Variants in ZGRF1 observed in about 807,000 individuals in gnomAD.
ZGRF1 encodes the protein zinc finger GRF-type containing 1.
A neutral mutation model predicts 203.5 loss-of-function variants in ZGRF1; 196 were observed. The observed-to-expected ratio is 0.96, with a 90% CI of 0.86 to 1.08. ZGRF1 has a LOEUF of 1.08. Among genes scored for constraint, ZGRF1 ranks in the 50% least tolerant of loss-of-function variants. The probability of loss-of-function intolerance (pLI) is 0.00; values close to 1 mark genes in which losing one functional copy is unlikely to be tolerated. For synonymous variants in ZGRF1, 809 were observed against 841.3 expected, an observed-to-expected ratio of 0.96 and a Z score of 0.66; for missense variants, 2,326 against 2,416.3, an observed-to-expected ratio of 0.96 and a Z score of 0.78.
intron 7 of ZGRF1, among the ~76,000 whole-genome samples, chr4:112,610,044 C>A (rs2149121791): frequency 6.6e-6 from 1 of 151,962 alleles, no homozygotes; most frequent in Non-Finnish European, 1.5e-5. Context: ...GAGGCTGAGG[C>A]AGGAGAATCA....
chr4:112,588,143 T>G (rs762787199), intron 11 of ZGRF1, among the ~76,000 whole-genome samples: 22 of 152,086 alleles, frequency 1.4e-4, no homozygotes, highest in Non-Finnish European at 2.5e-4. Context: ...ATTCTTAGGG[T>G]TGATGAAGTC....
intron 24 of ZGRF1, 49 bp downstream of exon 24, chr4:112,547,236 A>C (rs1290772542): frequency 1.3e-6 from 2 of 1,553,282 alleles, no homozygotes; most frequent in East Asian, 2.3e-5. Flanking sequence ...ACACACACAC[A>C]ATGTAGAATC....
At chr4:112,557,654 T>C (rs552601732) in intron 20 of ZGRF1, among the ~76,000 whole-genome samples, 1 of 152,308 alleles carries the variant, frequency 6.6e-6, no homozygotes, top group South Asian at 2.1e-4. Flanking sequence ...TGCCGTGGGT[T>C]GAGGAGTAGG....
chr4:112,539,603 C>G lies in ZGRF1; in HGVS notation c.6259G>C (p.Glu2087Gln). 6.4e-7 allele frequency: 1 copy of G among 1,571,782 alleles called. No individual in the cohort carries two copies. The highest frequency in any genetic ancestry group is 1.2e-5 in the South Asian group (1 of 85,826). The change falls in exon 28 of 28, where the codon GAA (glutamate) becomes CAA (glutamine). Residue 2087 changes from glutamate (E) to glutamine (Q), a missense_variant. Glu to Gln is a conservative substitution (Grantham distance 29). Transcript: ENST00000505019. ...LKDYFEKQVE[E>Q]KQKKKSEKEK... is the part of the protein sequence containing the mutation. ...TTTTCACTCTTTTTCTTCTGTTTTT[C>G]TTCCACTTGTTTTTCAAAATAATCT...
intron 17 of ZGRF1, among the ~76,000 whole-genome samples, 152 bp downstream of exon 17, chr4:112,562,979 A>G (rs1191129008): frequency 2.0e-5 from 3 of 152,218 alleles, no homozygotes; most frequent in Non-Finnish European, 4.4e-5. Flanking sequence ...AGAAATATCT[A>G]TATATTCAAC....
chr4:112,615,125 T>C (rs749550249), intron 6 of ZGRF1, among the ~76,000 whole-genome samples: 32 of 152,172 alleles, frequency 2.1e-4, no homozygotes, highest in Non-Finnish European at 3.4e-4. Flanking sequence ...GGTTTACTAT[T>C]ACTAGTTATG....
intron 16 of ZGRF1, 91 bp from the exon 17 acceptor site, chr4:112,563,365 C>A: frequency 1.1e-6 from 1 of 928,582 alleles, no homozygotes; most frequent in South Asian, 1.9e-5. Flanking sequence ...TATGTGTGTA[C>A]ATATATCTAT....
chr4:112,597,538 A>G (rs952081090), intron 10 of ZGRF1, among the ~76,000 whole-genome samples: 1 of 151,738 alleles, frequency 6.6e-6, no homozygotes, highest in Non-Finnish European at 1.5e-5. Context: ...AATAATAATA[A>G]TAGTAATAGT....
chr4:112,636,885 TC>T lies in ZGRF1; in HGVS notation c.-102del. ...TGCACAAAATCCACTTTCGAATTTC[TC>T]CCGCGAAACAACGTGACGTCATTAA... On this transcript the variant is annotated 5_prime_UTR_variant, in exon 1 of 28. The change creates a premature stop within an existing upstream ORF in the 5' untranslated region. Coordinates refer to ENST00000505019, the MANE Select transcript of ZGRF1 (RefSeq NM_018392.5). The T allele has an allele frequency of 6.6e-6, 1 of 152,258 alleles. No individual in the cohort carries two copies. The highest frequency in any genetic ancestry group is 2.1e-4 in the South Asian group (1 of 4,828). The allele number at this position is 152,258 out of a possible 1,614,324, so 9.4% of individuals were successfully genotyped here.
At chr4:112,626,625 C>T (rs982194994) in intron 3 of ZGRF1, among the ~76,000 whole-genome samples, 3 of 152,084 alleles carry the variant, frequency 2.0e-5, no homozygotes, top group African/African-American at 7.2e-5. Flanking sequence ...GCAACTCACT[C>T]GGATGCCCAA....
chr4:112,630,000 C>A lies in ZGRF1; in HGVS notation c.102+1930G>T, dbSNP rs370655833. 3.3e-4 allele frequency: 72 copies of A among 220,030 alleles called. 1 individual carries two copies. The East Asian group carries it at 9.3e-3, about 28-fold the overall frequency. The allele number at this position is 220,030 out of a possible 1,614,324, so 13.6% of individuals were successfully genotyped here. On this transcript the variant is annotated intron_variant, in intron 3 of 27. Transcript: ENST00000505019. ...TGCCACTGCACTCCAGCCTGGGCAA[C>A]AGAGCAAGACTCTGTCTAAAAAAAG...
At chr4:112,598,651 GT>G (rs1201280076) in intron 10 of ZGRF1, among the ~76,000 whole-genome samples, 1 of 151,802 alleles carries the variant, frequency 6.6e-6, no homozygotes, top group Non-Finnish European at 1.5e-5. Flanking sequence ...ATAAAATAAT[GT>G]TTTTATTAAT....
chr4:112,565,572 G>A (rs557290615), intron 16 of ZGRF1, among the ~76,000 whole-genome samples: 78 of 151,954 alleles, frequency 5.1e-4, no homozygotes, highest in African/African-American at 1.9e-3. Context: ...CTACAAAATG[G>A]GAGAAAATTT....
At chr4:112,619,961 TA>T in intron 5 of ZGRF1, 40 bp downstream of exon 5, 1 of 1,425,684 alleles carries the variant, frequency 7.0e-7, no homozygotes, top group Non-Finnish European at 9.4e-7. Flanking sequence ...GACAATTTTA[TA>T]AATATATTTT....
chr4:112,547,831 G>T (rs1359451662), intron 23 of ZGRF1, among the ~76,000 whole-genome samples: 2 of 152,096 alleles, frequency 1.3e-5, no homozygotes, highest in Non-Finnish European at 2.9e-5. Context: ...ATATAGTGGG[G>T]AAAAATCAAA....
chr4:112,551,360 TTC>T (rs931169121), intron 22 of ZGRF1, among the ~76,000 whole-genome samples: 6 of 152,226 alleles, frequency 3.9e-5, no homozygotes, highest in Non-Finnish European at 7.3e-5. Context: ...ACTGTACTTA[TTC>T]TCTTCTAACA....
intron 16 of ZGRF1, among the ~76,000 whole-genome samples, 160 bp from the exon 17 acceptor site, chr4:112,563,434 T>A (rs986124660): frequency 3.3e-5 from 5 of 152,184 alleles, no homozygotes; most frequent in Non-Finnish European, 5.9e-5. Flanking sequence ...ATTCATCAAC[T>A]ATCAACCTAA....
chr4:112,570,753 AT>A (rs1744058820), intron 16 of ZGRF1, among the ~76,000 whole-genome samples: 1 of 152,218 alleles, frequency 6.6e-6, no homozygotes, highest in Non-Finnish European at 1.5e-5. Flanking sequence ...GTTAAAAAAA[AT>A]CATAATGGAA....
intron 15 of ZGRF1, among the ~76,000 whole-genome samples, chr4:112,582,843 T>TTG (rs1297053972): frequency 6.6e-6 from 1 of 152,034 alleles, no homozygotes; most frequent in Non-Finnish European, 1.5e-5. Context: ...TAAGATCCCA[T>TTG]TGTGTGTGTG....
Sources: gnomAD v4.1 joint callset for allele counts (sites outside exome capture counted in the v4.1 genomes callset) on GRCh38, gnomAD v4.1.1 for gene constraint, MANE v1.5 for transcripts, NCBI Gene and HGNC (gene_info 2026-07-23, HGNC 2026-07-21) for gene names.